The following ANXA8 variants were observed in gnomAD, a reference collection of about 807,000 sequenced individuals.
ANXA8 encodes the protein VAC-beta.
A neutral mutation model predicts 26.8 loss-of-function variants in ANXA8; 9 were observed. That is an observed-to-expected ratio of 0.34 (90% CI 0.20 to 0.59). ANXA8 has a LOEUF of 0.59. Among genes scored for constraint, ANXA8 ranks in the 20% least tolerant of loss-of-function variants. The pLI is 0.84. For synonymous variants in ANXA8, 39 were observed against 94.8 expected (o/e 0.41, Z 3.42); for missense variants, 83 against 238.5 (o/e 0.35, Z 4.29).
the ANXA8 span, among the ~76,000 whole-genome samples, chr10:47,609,671 T>C: frequency 2.0e-4 from 2 of 9,784 alleles, no homozygotes; most frequent in Non-Finnish European, 3.7e-4. Flanking sequence ...CAAGAAATGA[T>C]GTTGGCTTGG....
At chr10:47,619,167 T>C in the ANXA8 span, among the ~76,000 whole-genome samples, 6 of 113,348 alleles carry the variant, frequency 5.3e-5, 2 homozygotes, top group African/African-American at 2.0e-4. Context: ...TCAAAATTTC[T>C]CATTCATGAA....
At chr10:47,549,223 T>C in the ANXA8 span, 1 of 1,138,332 alleles carries the variant, frequency 8.8e-7, no homozygotes, top group African/African-American at 1.6e-5. Context: ...CACAAAACTC[T>C]CTTCCCTTCA....
the ANXA8 span, among the ~76,000 whole-genome samples, chr10:47,684,616 C>G: frequency 1.3e-5 from 2 of 151,688 alleles, no homozygotes; most frequent in Non-Finnish European, 2.9e-5. Flanking sequence ...GACAGAGTCT[C>G]GCTCTGTTGT....
chr10:47,952,749 G>A, the ANXA8 span, among the ~76,000 whole-genome samples: 37 of 147,708 alleles, frequency 2.5e-4, no homozygotes, highest in African/African-American at 9.2e-4. Flanking sequence ...TTACAGGAAA[G>A]CGAGTAATGA....
chr10:47,755,260 C>CT, the ANXA8 span, among the ~76,000 whole-genome samples: 15,466 of 138,924 alleles, frequency 0.11, 189 homozygotes, highest in Non-Finnish European at 0.13. Context: ...CAGCCAACCT[C>CT]TTTTTTTTTT....
chr10:47,940,940 G>T, the ANXA8 span, among the ~76,000 whole-genome samples: 4,028 of 136,064 alleles, frequency 0.03, 11 homozygotes, highest in African/African-American at 0.12. Flanking sequence ...AAGGGAGGGA[G>T]AGTGAGAAGG....
At chr10:47,488,610 T>G (rs1259369374), upstream of ANXA8, among the ~76,000 whole-genome samples, 1 of 150,370 alleles carries the variant, frequency 6.7e-6, no homozygotes, top group Admixed American at 6.6e-5. Context: ...ACCTGGAATC[T>G]ATTTTGTTGA....
the ANXA8 span, among the ~76,000 whole-genome samples, chr10:47,530,706 G>GAAATAGAC: frequency 8.5e-6 from 1 of 117,680 alleles, no homozygotes; most frequent in African/African-American, 3.1e-5. Context: ...AAAAAAAAAA[G>GAAATAGAC]AAAAAAGAGA....
the ANXA8 span, among the ~76,000 whole-genome samples, chr10:47,900,606 G>C: frequency 7.1e-6 from 1 of 141,738 alleles, no homozygotes; most frequent in African/African-American, 2.7e-5. Context: ...TTCAATATCA[G>C]TTTTTCTAAG....
chr10:47,936,623 CA>C, the ANXA8 span, among the ~76,000 whole-genome samples: 2 of 132,326 alleles, frequency 1.5e-5, no homozygotes, highest in African/African-American at 5.5e-5. Context: ...CTGCTCCCTG[CA>C]ACCCCACCTG....
At chr10:47,698,703 G>A in the ANXA8 span, among the ~76,000 whole-genome samples, 1 of 152,342 alleles carries the variant, frequency 6.6e-6, no homozygotes, top group African/African-American at 2.4e-5. Context: ...TTAGCCAGGT[G>A]TAGTGGTGCA....
At chr10:47,668,184 T>G in the ANXA8 span, among the ~76,000 whole-genome samples, 3 of 151,114 alleles carry the variant, frequency 2.0e-5, no homozygotes, top group East Asian at 5.8e-4. Flanking sequence ...GACCTCCAGT[T>G]TTTTCTTCTT....
At chr10:47,693,390 C>T in the ANXA8 span, among the ~76,000 whole-genome samples, 141 of 151,150 alleles carry the variant, frequency 9.3e-4, 1 homozygote, top group Admixed American at 1.8e-3. Flanking sequence ...CCCGGGTTCA[C>T]GCCATTTTCC....
the ANXA8 span, among the ~76,000 whole-genome samples, chr10:47,976,447 C>G: frequency 6.6e-6 from 1 of 151,456 alleles, no homozygotes; most frequent in Non-Finnish European, 1.5e-5. Context: ...GTGGCTCACT[C>G]CTATAATCCT....
At chr10:47,699,171 A>T in the ANXA8 span, among the ~76,000 whole-genome samples, 1 of 150,166 alleles carries the variant, frequency 6.7e-6, no homozygotes, top group African/African-American at 2.5e-5. Flanking sequence ...ACATAGCAAA[A>T]CCCTGTCTGT....
chr10:47,948,077 C>A, the ANXA8 span, among the ~76,000 whole-genome samples: 269 of 149,558 alleles, frequency 1.8e-3, 1 homozygote, highest in Non-Finnish European at 2.9e-3. Context: ...AAAGTCTAAT[C>A]TAACCCCTTT....
chr10:47,627,057 T>C, the ANXA8 span, among the ~76,000 whole-genome samples: 1 of 149,304 alleles, frequency 6.7e-6, no homozygotes, highest in Non-Finnish European at 1.5e-5. Context: ...AGAATTCTCT[T>C]ATAGAAAACA....
At chr10:47,549,340 T>A in the ANXA8 span, 1 of 1,500,606 alleles carries the variant, frequency 6.7e-7, no homozygotes, top group Non-Finnish European at 9.1e-7. Flanking sequence ...ATCATCATGT[T>A]AATGTCACAC....
chr10:47,669,094 T>C, the ANXA8 span, among the ~76,000 whole-genome samples: 2 of 151,846 alleles, frequency 1.3e-5, no homozygotes, highest in East Asian at 1.9e-4. Context: ...ATGTGCTTTA[T>C]GTTTCCCTGC....
Sources: gnomAD v4.1 joint callset for allele counts (sites outside exome capture counted in the v4.1 genomes callset) on GRCh38, gnomAD v4.1.1 for gene constraint, MANE v1.5 for transcripts, NCBI Gene and HGNC (gene_info 2026-07-23, HGNC 2026-07-21) for gene names.